AKAP13: variants seen among roughly 807,000 people sequenced by gnomAD.
The protein encoded by AKAP13 is A-kinase anchor protein 13.
In AKAP13, 80 loss-of-function variants were observed where a neutral mutation model predicts 264.5. That is an observed-to-expected ratio of 0.30 (90% CI 0.25 to 0.36). AKAP13 has a LOEUF of 0.36. AKAP13 is among the 10% of genes least tolerant of loss of function. The pLI, the probability that AKAP13 is intolerant of heterozygous loss-of-function variation, is 1.00. For missense variants in AKAP13, 3,712 were observed against 3,435.2 expected (o/e 1.08, Z -2.01); for synonymous variants, 1,380 against 1,250.2 (o/e 1.10, Z -2.19).
intron 1 of AKAP13, among the ~76,000 whole-genome samples, chr15:85,448,660 A>G (rs1010775724): frequency 1.3e-5 from 2 of 152,122 alleles, no homozygotes; most frequent in Non-Finnish European, 2.9e-5. Context: ...ACCTTTGTCA[A>G]AGATCAGATG....
intron 3 of AKAP13, among the ~76,000 whole-genome samples, chr15:85,526,068 AG>A (rs769179849): frequency 6.6e-6 from 1 of 152,186 alleles, no homozygotes; most frequent in Non-Finnish European, 1.5e-5. Flanking sequence ...AATTTGACTC[AG>A]CTCTGTTATA....
At chr15:85,600,095 CAG>C (rs1020191819) in intron 8 of AKAP13, among the ~76,000 whole-genome samples, 5 of 151,964 alleles carry the variant, frequency 3.3e-5, no homozygotes, top group African/African-American at 1.2e-4. Flanking sequence ...GCAAAAAGGA[CAG>C]AGAAGGTGAA....
chr15:85,559,973 G>C (rs2078301383), intron 5 of AKAP13, among the ~76,000 whole-genome samples: 1 of 151,780 alleles, frequency 6.6e-6, no homozygotes, highest in Admixed American at 6.6e-5. Flanking sequence ...AGATTATCTG[G>C]GATTGTTTCT....
In AKAP13 at chr15:85,454,755, C is replaced by A. The variant is rs144665158; in HGVS notation, c.-11-30955C>A. Among the ~76,000 whole-genome samples, 460 of 152,266 alleles carry A rather than the reference C, an allele frequency of 3.0e-3. 1 individual carries two copies. The highest frequency in any genetic ancestry group is 0.011 in the African/African-American group (438 of 41,566). ...AGAGTTGTTCAACTGTCACTGTGATCAATTTTGAATCTTTTCATCACCCCA... is the reference window on the plus strand; with the variant it reads ...AGAGTTGTTCAACTGTCACTGTGATAAATTTTGAATCTTTTCATCACCCCA... On this transcript the variant is annotated intron_variant, in intron 1 of 36. Coordinates refer to ENST00000394518, the MANE Select transcript of AKAP13 (RefSeq NM_007200.5).
At chr15:85,613,235 T>C (rs1200065081) in intron 8 of AKAP13, among the ~76,000 whole-genome samples, 2 of 152,202 alleles carry the variant, frequency 1.3e-5, no homozygotes, top group African/African-American at 4.8e-5. Flanking sequence ...ATAGCATTAT[T>C]TGATAGGTTG....
chr15:85,578,194 G>A (rs930186405), intron 6 of AKAP13, among the ~76,000 whole-genome samples: 2 of 152,160 alleles, frequency 1.3e-5, no homozygotes, highest in African/African-American at 4.8e-5. Context: ...GAGGCGGCAG[G>A]GTCACTTGAG....
intron 2 of AKAP13, chr15:85,520,524 C>CA: frequency 4.8e-6 from 1 of 210,254 alleles, no homozygotes; most frequent in Non-Finnish European, 9.6e-6. Flanking sequence ...AAAAAAAAAG[C>CA]AACTGAAAGA....
At chr15:85,433,117 GTTTTTTTTTTTT>G (rs199655190) in intron 1 of AKAP13, among the ~76,000 whole-genome samples, 41 of 53,236 alleles carry the variant, frequency 7.7e-4, no homozygotes, top group Middle Eastern at 0.012. Flanking sequence ...CTTCTGTACA[GTTTTTTTTTTTT>G]TTTTTTTTTT....
chr15:85,453,555 G>T (rs1224760090), intron 1 of AKAP13, among the ~76,000 whole-genome samples: 1 of 152,252 alleles, frequency 6.6e-6, no homozygotes, highest in Non-Finnish European at 1.5e-5. Context: ...CCTATAGGAA[G>T]TGGCTGGAGA....
chr15:85,693,347 A>C lies in AKAP13; in HGVS notation c.5360A>C (p.Lys1787Thr). Residue 1787 changes from lysine (K) to threonine (T), a missense_variant, in exon 17 of 37, where the codon AAG becomes ACG. Around this residue, in one of 3 missense-constraint regions of AKAP13, gnomAD observed 2,759 missense variants for 2,411.7 expected, o/e 1.14. Transcript: ENST00000394518. Reference protein sequence around the residue: ...KDSKDKEKDKKTVNGHTFSSI... With the variant: ...KDSKDKEKDKTTVNGHTFSSI... ...TCTAAAGACAAGGAGAAAGATAAGAAGACTGTCAACGGGCACACTTTCAGT... is the reference window on the plus strand; with the variant it reads ...TCTAAAGACAAGGAGAAAGATAAGACGACTGTCAACGGGCACACTTTCAGT... 7 of 1,613,902 alleles carry C rather than the reference A, an allele frequency of 4.3e-6. No homozygotes were observed. The highest frequency in any genetic ancestry group is 5.9e-6 in the Non-Finnish European group (7 of 1,179,958).
chr15:85,487,468 A>G (rs1596318567), intron 2 of AKAP13, among the ~76,000 whole-genome samples: 1 of 152,284 alleles, frequency 6.6e-6, no homozygotes, highest in African/African-American at 2.4e-5. Context: ...TATGATGAAA[A>G]CATGTTGGAT....
intron 21 of AKAP13, 35 bp downstream of exon 21, chr15:85,717,437 T>C (rs1160711126): frequency 7.0e-7 from 1 of 1,425,284 alleles, no homozygotes; most frequent in Non-Finnish European, 9.9e-7. Context: ...TTTATGCCTC[T>C]GTAGGGACTG....
intron 16 of AKAP13, 40 bp downstream of exon 16, chr15:85,684,913 A>G: frequency 1.3e-6 from 2 of 1,593,306 alleles, no homozygotes; most frequent in Non-Finnish European, 8.6e-7. Context: ...TCACCTCAGT[A>G]GGATCCTGTC....
chr15:85,563,670 A>T, intron 5 of AKAP13, among the ~76,000 whole-genome samples: 1 of 152,266 alleles, frequency 6.6e-6, no homozygotes, highest in South Asian at 2.1e-4. Context: ...TAAGGGGGAG[A>T]GCACAGGCTT....
chr15:85,706,826 TAAG>T (rs2086297334), intron 17 of AKAP13, among the ~76,000 whole-genome samples: 1 of 152,112 alleles, frequency 6.6e-6, no homozygotes, highest in African/African-American at 2.4e-5. Context: ...CCAGTGGTAT[TAAG>T]GAGGAGACCT....
chr15:85,427,662 G>A (rs1362574209), intron 1 of AKAP13, among the ~76,000 whole-genome samples: 1 of 152,194 alleles, frequency 6.6e-6, no homozygotes, highest in Non-Finnish European at 1.5e-5. Flanking sequence ...GGGCCAAAGA[G>A]GCAACTCTGA....
At chr15:85,573,252 C>G (rs2078885676) in intron 5 of AKAP13, among the ~76,000 whole-genome samples, 1 of 152,112 alleles carries the variant, frequency 6.6e-6, no homozygotes, top group Non-Finnish European at 1.5e-5. Context: ...GGATACTTTA[C>G]CAATCTATTG....
intron 5 of AKAP13, among the ~76,000 whole-genome samples, chr15:85,555,072 G>A (rs1348409602): frequency 6.6e-6 from 1 of 151,932 alleles, no homozygotes; most frequent in East Asian, 1.9e-4. Flanking sequence ...CTAAGTTTCA[G>A]TGCTAAAATA....
rs548169832 is a variant in AKAP13, at chr15:85,453,845, T to A, written c.-11-31865T>A. On this transcript the variant is annotated intron_variant, in intron 1 of 36. Coordinates refer to ENST00000394518, the MANE Select transcript of AKAP13 (RefSeq NM_007200.5). ...GTGGCTGGAGGCCCAGGTTGGGAGGTCCTACCCAGTGAAGAGGAATGGGAT... is the reference window on the plus strand; with the variant it reads ...GTGGCTGGAGGCCCAGGTTGGGAGGACCTACCCAGTGAAGAGGAATGGGAT... Among the ~76,000 whole-genome samples the A allele has an allele frequency of 4.4e-4, 66 of 151,636 alleles. No individual in the cohort carries two copies. In the South Asian group the frequency reaches 5.0e-3, roughly 12 times the overall value.
Sources: gnomAD v4.1 joint callset for allele counts (sites outside exome capture counted in the v4.1 genomes callset) on GRCh38, gnomAD v4.1.1 for gene constraint, gnomAD v4.1.1 regional missense constraint, MANE v1.5 for transcripts, NCBI Gene and HGNC (gene_info 2026-07-23, HGNC 2026-07-21) for gene names.